The following ADAMTS20 variants were observed in gnomAD, a reference collection of about 807,000 sequenced individuals.
The protein encoded by ADAMTS20 is ADAM metallopeptidase with thrombospondin type 1 motif 20, also known as A disintegrin and metalloproteinase with thrombospondin motifs 20.
A neutral mutation model predicts 260.1 loss-of-function variants in ADAMTS20; 225 were observed. The ratio of observed to expected loss-of-function variants is 0.87; its 90% CI spans 0.78 to 0.97. The LOEUF (loss-of-function observed/expected upper bound fraction) is 0.97. Ranked by LOEUF, ADAMTS20 falls within the 50% of genes least tolerant of loss-of-function variation. The pLI is 0.00. For missense variants in ADAMTS20, 2,400 were observed against 2,337.7 expected (o/e 1.03, Z -0.55); for synonymous variants, 802 against 769.5 (o/e 1.04, Z -0.70).
At chr12:43,536,224 T>C (rs1943293204) in intron 2 of ADAMTS20, among the ~76,000 whole-genome samples, 1 of 152,162 alleles carries the variant, frequency 6.6e-6, no homozygotes, top group South Asian at 2.1e-4. Context: ...CCAAGGCTCA[T>C]ACCTAGTAAG....
At chr12:43,445,533 T>G (rs958679068) in intron 15 of ADAMTS20, among the ~76,000 whole-genome samples, 2 of 152,142 alleles carry the variant, frequency 1.3e-5, no homozygotes, top group African/African-American at 4.8e-5. Context: ...GAACACAATT[T>G]AAAGCTGAAC....
chr12:43,482,861 T>A (rs1326289691), intron 7 of ADAMTS20, among the ~76,000 whole-genome samples: 2 of 152,198 alleles, frequency 1.3e-5, no homozygotes, highest in African/African-American at 4.8e-5. Flanking sequence ...GGTGTGCAAC[T>A]GAACAGCCAG....
At chr12:43,533,330 T>G (rs1284959805) in intron 2 of ADAMTS20, among the ~76,000 whole-genome samples, 1 of 151,820 alleles carries the variant, frequency 6.6e-6, no homozygotes, top group South Asian at 2.1e-4. Flanking sequence ...TCTTCATGTG[T>G]TTTTTACAAA....
Position 43,551,964 on chromosome 12 carries a change from CGCCGGCAG to C in ADAMTS20, c.-51_-44del, listed in dbSNP as rs1943525070. ...CCCGATCGGGGAGGCCCACCAGAGCCGCCGGCAGCCAAGCCGGCTTCCCTCGCGCTCCG... is the reference window on the plus strand; with the variant it reads ...CCCGATCGGGGAGGCCCACCAGAGCCCCAAGCCGGCTTCCCTCGCGCTCCG... On this transcript the variant is annotated 5_prime_UTR_variant, in exon 1 of 39. Coordinates refer to ENST00000389420, the MANE Select transcript of ADAMTS20 (RefSeq NM_025003.5). The surrounding 1 kb of genome is among the most constrained non-coding windows in gnomAD (Gnocchi z 4.6). The C allele has an allele frequency of 6.4e-7, 1 of 1,565,620 alleles. No individual in the cohort carries two copies. Among genetic ancestry groups the C allele is most frequent in the Admixed American group, 1.7e-5 (1 of 59,862 alleles).
intron 28 of ADAMTS20, among the ~76,000 whole-genome samples, chr12:43,419,275 A>G (rs1268463837): frequency 6.6e-6 from 1 of 152,138 alleles, no homozygotes; most frequent in Admixed American, 6.5e-5. Flanking sequence ...TGAGAATGAT[A>G]CGTATGATCA....
At chr12:43,407,863 G>A (rs1176807986) in intron 28 of ADAMTS20, among the ~76,000 whole-genome samples, 2 of 152,106 alleles carry the variant, frequency 1.3e-5, no homozygotes, top group Non-Finnish European at 2.9e-5. Flanking sequence ...AAGAAAAACT[G>A]CCATTCATTT....
Position 43,446,693 on chromosome 12 carries a change from A to G in ADAMTS20, c.2099T>C (p.Val700Ala). 1 of 1,613,210 alleles carries G rather than the reference A, an allele frequency of 6.2e-7. No individual in the cohort carries two copies. The highest frequency in any genetic ancestry group is 1.7e-4 in the Middle Eastern group (1 of 6,058). ...GQCMAAGCDH[V>A]LNSSAKIDKC... ...GTCTATCTTGGCACTGGAGTTTAAC[A>G]CGTGATCACAACCAGCTGCCTTCAA... Residue 700 changes from valine (V) to alanine (A), a missense_variant, in exon 15 of 39, where the codon GTG becomes GCG. By Grantham distance (64) the Val-to-Ala change is moderately conservative. Coordinates refer to ENST00000389420, the MANE Select transcript of ADAMTS20 (RefSeq NM_025003.5).
chr12:43,395,677 CTTTTTTTTTTTT>C (rs5797860), intron 29 of ADAMTS20, among the ~76,000 whole-genome samples: 19 of 90,828 alleles, frequency 2.1e-4, no homozygotes, highest in Non-Finnish European at 3.4e-4. Flanking sequence ...GTGTGAGATT[CTTTTTTTTTTTT>C]TTTTTTTTTT....
intron 37 of ADAMTS20, among the ~76,000 whole-genome samples, chr12:43,358,556 C>T (rs995640078): frequency 2.0e-5 from 3 of 152,110 alleles, no homozygotes; most frequent in South Asian, 4.1e-4. Context: ...AAAAGTAATT[C>T]GGACGGGCGC....
intron 28 of ADAMTS20, among the ~76,000 whole-genome samples, chr12:43,404,178 G>GAAACACACACAC (rs749085069): frequency 6.9e-6 from 1 of 145,902 alleles, no homozygotes; most frequent in African/African-American, 2.5e-5. Flanking sequence ...ATATTGTGGG[G>GAAACACACACAC]ACACACACAC....
intron 31 of ADAMTS20, 46 bp from the exon 32 acceptor site, chr12:43,377,608 C>T (rs372940380): frequency 2.8e-5 from 42 of 1,503,290 alleles, no homozygotes; most frequent in Non-Finnish European, 3.8e-5. Context: ...TTAACTTTAG[C>T]CAGGGCCTAA....
At chr12:43,397,807 C>T (rs1222748051) in intron 29 of ADAMTS20, among the ~76,000 whole-genome samples, 3 of 152,132 alleles carry the variant, frequency 2.0e-5, no homozygotes, top group African/African-American at 4.8e-5. Flanking sequence ...TTCAATTAAA[C>T]ATTGACCACA....
At position 43,466,703 on chromosome 12, in the gene ADAMTS20, C is replaced by T. The variant is rs1447505981; in HGVS notation, c.1316G>A (p.Ser439Asn). ...VMAPALSFHM[S>N]PWSWSNCSRK... ...ACTACAGTTTGACCAGCTCCAAGGACTCATGTGAAAACTTAAAGCAGGGGC... is the reference window on the plus strand; with the variant it reads ...ACTACAGTTTGACCAGCTCCAAGGATTCATGTGAAAACTTAAAGCAGGGGC... The change falls in exon 9 of 39, where the codon AGT (serine) becomes AAT (asparagine). Residue 439 changes from serine (S) to asparagine (N), a missense_variant. Ser to Asn is a conservative substitution (Grantham distance 46). Transcript: ENST00000389420. 6.2e-7 allele frequency: 1 copy of T among 1,611,776 alleles called. No individual in the cohort carries two copies. Among genetic ancestry groups the T allele is most frequent in the South Asian group, 1.1e-5 (1 of 90,764 alleles).
At position 43,551,721 on chromosome 12, in the gene ADAMTS20, C is replaced by T; in HGVS notation, c.91+110G>A. Reference sequence around the variant, plus strand: ...GGTCCGGGAGTCCCGGGAGCTCCAGCAGGGCCAGCGTTCCCCAACGGGCTG... The same window carrying T: ...GGTCCGGGAGTCCCGGGAGCTCCAGTAGGGCCAGCGTTCCCCAACGGGCTG... On this transcript the variant is annotated intron_variant, in intron 1 of 38. Transcript: ENST00000389420. This position sits in a 1 kb window ranked among gnomAD's most constrained non-coding sequence, Gnocchi z 4.6. The T allele has an allele frequency of 8.7e-7, 1 of 1,145,764 alleles. No individual in the cohort carries two copies. Among genetic ancestry groups the T allele is most frequent in the Middle Eastern group, 2.2e-4 (1 of 4,546 alleles). The allele number at this position is 1,145,764 out of a possible 1,614,324, so 71.0% of individuals were successfully genotyped here. A position where few individuals can be genotyped will look rare whatever the true frequency, so the allele number is the denominator to read the frequency against.
At chr12:43,439,238 T>C (rs1941612868) in intron 18 of ADAMTS20, among the ~76,000 whole-genome samples, 1 of 152,072 alleles carries the variant, frequency 6.6e-6, no homozygotes, top group Non-Finnish European at 1.5e-5. Flanking sequence ...ATCTCAACAA[T>C]AAAAGAGGAA....
chr12:43,460,964 TTATATATA>T (rs1162338659), intron 11 of ADAMTS20, among the ~76,000 whole-genome samples: 1 of 58,030 alleles, frequency 1.7e-5, no homozygotes, highest in Non-Finnish European at 2.9e-5. Flanking sequence ...CACAACTAAA[TTATATATA>T]TATATATATA....
At chr12:43,429,486 C>A in intron 24 of ADAMTS20, 131 bp downstream of exon 24, 2 of 644,090 alleles carry the variant, frequency 3.1e-6, no homozygotes, top group South Asian at 2.3e-5. Context: ...ATTCTAAACC[C>A]TATACTTCTT....
chr12:43,493,112 G>A (rs553705127), intron 5 of ADAMTS20, 58 bp downstream of exon 5: 17 of 1,115,502 alleles, frequency 1.5e-5, no homozygotes, highest in Middle Eastern at 2.7e-4. Flanking sequence ...TAATCTCTAC[G>A]TATTGTCACT....
chr12:43,409,624 A>AAAAAAAAAAAAAC (rs1565684968), intron 28 of ADAMTS20, among the ~76,000 whole-genome samples: 1 of 140,502 alleles, frequency 7.1e-6, no homozygotes, highest in African/African-American at 2.6e-5. Flanking sequence ...AAAAAAAAAA[A>AAAAAAAAAAAAAC]AAAAAACAAG....
Sources: allele counts gnomAD v4.1 joint callset (sites outside exome capture counted in the v4.1 genomes callset), GRCh38; gene constraint gnomAD v4.1.1; non-coding constraint Gnocchi (gnomAD v3.1); transcripts MANE v1.5; gene names NCBI Gene and HGNC (gene_info 2026-07-23, HGNC 2026-07-21).